Variants in KIFBP observed in about 807,000 individuals in gnomAD.
KIFBP encodes the protein kinesin family binding protein.
KIFBP carries 46 observed loss-of-function variants against 58.9 expected under a neutral mutation model. The ratio of observed to expected loss-of-function variants is 0.78; its 90% confidence interval spans 0.62 to 1.00. The LOEUF (loss-of-function observed/expected upper bound fraction) is 1.00. KIFBP is among the 50% of genes least tolerant of loss of function. KIFBP has a pLI of 0.00. For synonymous variants in KIFBP, 241 were observed against 283.4 expected (o/e 0.85, Z 1.50); for missense variants, 651 against 752.9 (o/e 0.86, Z 1.58).
At chr10:69,007,559 T>A (rs1438460608) in intron 4 of KIFBP, 2 of 152,230 alleles carry the variant, frequency 1.3e-5, no homozygotes, top group African/African-American at 4.8e-5. Flanking sequence ...AGAGAGATAA[T>A]TAAAGTTTCA....
rs367742941 is a variant in KIFBP at position 69,003,127 on chromosome 10, T to C, written c.526-1919T>C. Among the ~76,000 whole-genome samples, 12 of 152,096 alleles carry C rather than the reference T, an allele frequency of 7.9e-5. No individual in the cohort carries two copies. In the East Asian group the frequency reaches 2.3e-3, roughly 29 times the overall value. Reference sequence around the variant, plus strand: ...TTGTATGGAAACATAACACATATAGTGAAATTCCTTGTGTTTAGTTGTACC... The same window carrying C: ...TTGTATGGAAACATAACACATATAGCGAAATTCCTTGTGTTTAGTTGTACC... On this transcript the variant is annotated intron_variant, in intron 2 of 6. Coordinates refer to ENST00000361983, the MANE Select transcript of KIFBP (RefSeq NM_015634.4).
chr10:68,989,160 G>T lies in KIFBP; in HGVS notation c.328G>T (p.Glu110Ter). The T allele has an allele frequency of 6.2e-7, 1 of 1,613,554 alleles. No homozygotes were observed. Among genetic ancestry groups the T allele is most frequent in the Non-Finnish European group, 8.5e-7 (1 of 1,179,724 alleles). ...CGGGGTGAACCACATCGACACGGAGGAGCTGTCGGCGGGGGAGGAGCACCT... is the reference window on the plus strand; with the variant it reads ...CGGGGTGAACCACATCGACACGGAGTAGCTGTCGGCGGGGGAGGAGCACCT... Reference protein sequence around the residue: ...HLGVNHIDTEELSAGEEHLVK... With the variant: ...HLGVNHIDTE The change falls in exon 1 of 7, where the codon GAG (glutamate) becomes TAG (stop). Residue 110 changes from glutamate to a stop codon, truncating the protein, a stop_gained. Coordinates refer to ENST00000361983, the MANE Select transcript of KIFBP (RefSeq NM_015634.4). LOFTEE classifies it high-confidence loss of function.
At chr10:69,015,324 C>CT (rs748421860) in intron 6 of KIFBP, 1 of 523,748 alleles carries the variant, frequency 1.9e-6, no homozygotes, top group Non-Finnish European at 3.4e-6. Context: ...AGCAGCTTGT[C>CT]TATTTAAATA....
intron 1 of KIFBP, among the ~76,000 whole-genome samples, chr10:68,990,726 C>T (rs1026131174): frequency 6.6e-6 from 1 of 152,050 alleles, no homozygotes. Flanking sequence ...GCAGGAGGAT[C>T]GCTTGAGCCC....
At chr10:69,006,042 C>T (rs1349777944) in intron 4 of KIFBP, 127 bp downstream of exon 4, 2 of 860,614 alleles carry the variant, frequency 2.3e-6, no homozygotes, top group Admixed American at 2.9e-5. Context: ...CAACTGAAGC[C>T]GAAAATGCAG....
chr10:69,003,970 C>T (rs1211381230), intron 2 of KIFBP, among the ~76,000 whole-genome samples: 1 of 152,012 alleles, frequency 6.6e-6, no homozygotes, highest in African/African-American at 2.4e-5. Flanking sequence ...CCTGTAATCC[C>T]AGCACTTTGC....
At chr10:69,014,397 T>C (rs974409701) in intron 6 of KIFBP, among the ~76,000 whole-genome samples, 1 of 152,076 alleles carries the variant, frequency 6.6e-6, no homozygotes, top group Non-Finnish European at 1.5e-5. Flanking sequence ...AAGCAACATG[T>C]TTAGAAGTTC....
chr10:69,004,932 A>T (rs1843514828), intron 2 of KIFBP, 114 bp from the exon 3 acceptor site: 1 of 710,174 alleles, frequency 1.4e-6, no homozygotes, highest in East Asian at 2.6e-5. Context: ...ATGAACTAGG[A>T]AAAAATGAAA....
Position 69,016,655 on chromosome 10 carries a change from TCCTA to T in KIFBP, c.*240_*243del. 2.0e-6 allele frequency: 1 copy of T among 487,858 alleles called. No homozygotes were observed. Among genetic ancestry groups the T allele is most frequent in the Non-Finnish European group, 3.7e-6 (1 of 273,852 alleles). 30.2% of individuals were successfully genotyped at this position (487,858 alleles called of 1,614,324 possible). A position where few individuals can be genotyped will look rare whatever the true frequency, so the allele number is the denominator to read the frequency against. On this transcript the variant is annotated 3_prime_UTR_variant, in exon 7 of 7. Coordinates refer to ENST00000361983, the MANE Select transcript of KIFBP (RefSeq NM_015634.4). ...GTGATTTGTATTTTAGATGCTTGTT[TCCTA>T]TTAAAATACAGACATTTCTACCCTC... is the stretch of plus-strand genomic sequence containing the variant.
At chr10:68,993,420 T>C (rs1258850161) in intron 1 of KIFBP, among the ~76,000 whole-genome samples, 1 of 152,142 alleles carries the variant, frequency 6.6e-6, no homozygotes, top group Non-Finnish European at 1.5e-5. Flanking sequence ...CCTCACTAAT[T>C]GTTCACCCAT....
At chr10:69,000,577 A>G in intron 2 of KIFBP, 55 bp downstream of exon 2, 2 of 1,071,102 alleles carry the variant, frequency 1.9e-6, no homozygotes, top group Non-Finnish European at 2.9e-6. Flanking sequence ...TTAAGAATTG[A>G]TAGTAAGAAT....
In KIFBP at chr10:69,004,219, C is replaced by CAA. The variant is rs1164355898; in HGVS notation, c.526-805_526-804dup. Reference sequence around the variant, plus strand: ...TGGCAAAAGAGCGAGACTCCATCTCCAAAAAAAAAAAAAAAAAAAAAAACT... The same window carrying CAA: ...TGGCAAAAGAGCGAGACTCCATCTCCAAAAAAAAAAAAAAAAAAAAAAAAACT... On this transcript the variant is annotated intron_variant, in intron 2 of 6. Coordinates refer to ENST00000361983, the MANE Select transcript of KIFBP (RefSeq NM_015634.4). Among the ~76,000 whole-genome samples, 661 of 79,422 alleles carry CAA rather than the reference C, an allele frequency of 8.3e-3. 8 individuals carry two copies. The highest frequency in any genetic ancestry group is 0.028 in the African/African-American group (599 of 21,078). 52.1% of individuals were successfully genotyped at this position (79,422 alleles called of 152,430 possible). A position where few individuals can be genotyped will look rare whatever the true frequency, so the allele number is the denominator to read the frequency against.
chr10:69,016,282 T>C lies in KIFBP; in HGVS notation c.1732T>C (p.Phe578Leu). 6.2e-7 allele frequency: 1 copy of C among 1,602,638 alleles called. No homozygotes were observed. The highest frequency in any genetic ancestry group is 2.2e-5 in the East Asian group (1 of 44,772). ...NLATSLEHYK[F>L]IVDYCEKHPE... ...GGCAACATCATTGGAACATTACAAA[T>C]TTATTGTTGATTACTGTGAAAAGCA... The change falls in exon 7 of 7, where the codon TTT (phenylalanine) becomes CTT (leucine). Residue 578 changes from phenylalanine (F) to leucine (L), a missense_variant. By Grantham distance (22) the Phe-to-Leu change is conservative. Transcript: ENST00000361983.
At chr10:69,000,665 T>C in intron 2 of KIFBP, 143 bp downstream of exon 2, 1 of 670,324 alleles carries the variant, frequency 1.5e-6, no homozygotes, top group Non-Finnish European at 2.7e-6. Context: ...AGTCACCTCA[T>C]AGCTGAAATT....
At chr10:68,992,389 G>T (rs1843359451) in intron 1 of KIFBP, among the ~76,000 whole-genome samples, 1 of 152,158 alleles carries the variant, frequency 6.6e-6, no homozygotes. Flanking sequence ...GAATCAAGGG[G>T]ATGGGGATTT....
intron 1 of KIFBP, 47 bp downstream of exon 1, chr10:68,989,305 G>C (rs1296350056): frequency 1.3e-6 from 2 of 1,597,050 alleles, no homozygotes; most frequent in East Asian, 2.2e-5. Flanking sequence ...AAATGGCGAG[G>C]GATGGGGAGG....
chr10:69,005,592 C>A, intron 3 of KIFBP, 140 bp from the exon 4 acceptor site: 1 of 653,296 alleles, frequency 1.5e-6, no homozygotes, highest in East Asian at 2.8e-5. Context: ...AGGAGAATTG[C>A]TTGAACCCAG....
At chr10:68,989,355 A>T in intron 1 of KIFBP, 97 bp downstream of exon 1, 2 of 1,338,364 alleles carry the variant, frequency 1.5e-6, no homozygotes. Flanking sequence ...GTAAGGCGCA[A>T]TTCGTCCCCA....
At position 68,989,037 on chromosome 10, in the gene KIFBP, G is replaced by A. The variant is rs1292526099; in HGVS notation, c.205G>A (p.Ala69Thr). 2 of 1,613,592 alleles carry A rather than the reference G, an allele frequency of 1.2e-6. No homozygotes were observed. The highest frequency in any genetic ancestry group is 1.7e-6 in the Non-Finnish European group (2 of 1,179,666). Reference sequence around the variant, plus strand: ...GCCTGAGGCCGAGGACGGCCCGGGTGCCGGTGACCACGCCCTGGGGCTGCC... The same window carrying A: ...GCCTGAGGCCGAGGACGGCCCGGGTACCGGTGACCACGCCCTGGGGCTGCC... ...ERPEAEDGPG[A>T]GDHALGLPAE... Residue 69 changes from alanine (A) to threonine (T), a missense_variant, in exon 1 of 7, where the codon GCC (alanine) becomes ACC (threonine). Ala to Thr is a moderately conservative substitution (Grantham distance 58, BLOSUM62 0). Transcript: ENST00000361983.
Sources: allele counts gnomAD v4.1 joint callset (sites outside exome capture counted in the v4.1 genomes callset), GRCh38; gene constraint gnomAD v4.1.1; transcripts MANE v1.5; gene names NCBI Gene and HGNC (gene_info 2026-07-23, HGNC 2026-07-21).